Variants in CAPN8 observed in about 807,000 individuals in gnomAD.
CAPN8 encodes calpain-8.
In CAPN8, 87 loss-of-function variants were observed where a neutral mutation model predicts 80.9. The ratio of observed to expected loss-of-function variants is 1.07; its 90% CI spans 0.90 to 1.28. CAPN8 has a LOEUF of 1.28. CAPN8 is among the 50% of genes most tolerant of loss of function. CAPN8 has a pLI of 0.00. For synonymous variants in CAPN8, 299 were observed against 273.8 expected, an observed-to-expected ratio of 1.09 and a Z score of -0.91; for missense variants, 757 against 702.0, an observed-to-expected ratio of 1.08 and a Z score of -0.89.
At chr1:223,634,402 T>C (rs745618354) in intron 2 of CAPN8, among the ~76,000 whole-genome samples, 1 of 152,088 alleles carries the variant, frequency 6.6e-6, no homozygotes, top group Non-Finnish European at 1.5e-5. Flanking sequence ...AGCACTAGGG[T>C]ACGTAAGGAC....
At position 223,544,141 on chromosome 1, in the gene CAPN8, C is replaced by T. The variant is rs918685364; in HGVS notation, c.1955G>A (p.Arg652Gln). 7 of 718,320 alleles carry T rather than the reference C, an allele frequency of 9.7e-6. No individual in the cohort carries two copies. The highest frequency in any genetic ancestry group is 6.0e-5 in the Admixed American group (3 of 50,018). The allele number at this position is 718,320 out of a possible 1,614,324, so 44.5% of individuals were successfully genotyped here. The part of the protein sequence containing the change: ...NSQVQQTIAL[R>Q]YACSKLGINF... ...GATGCCAAGCTTGCTGCACGCATAC[C>T]GCAGGGCAATGGTCTGCTGCACCTG... The change falls in exon 19 of 21, where the codon CGG becomes CAG. Residue 652 changes from arginine (R) to glutamine (Q), a missense_variant. Physicochemically the swap from Arg to Gln is conservative, Grantham distance 43 (BLOSUM62 1). Coordinates refer to ENST00000366872, the MANE Select transcript of CAPN8 (RefSeq NM_001143962.2).
chr1:223,558,223 T>C, intron 12 of CAPN8, 56 bp from the exon 13 acceptor site: 1 of 398,516 alleles, frequency 2.5e-6, no homozygotes, highest in East Asian at 3.6e-5. Context: ...GTACAGCTAA[T>C]GGCTGGGTTG....
At position 223,619,384 on chromosome 1, in the gene CAPN8, CAG is replaced by C. The variant is rs1302945670; in HGVS notation, c.1042_1043del (p.Leu348GlufsTer2). The C allele has an allele frequency of 1.3e-6, 2 of 1,551,588 alleles. No homozygotes were observed. Among genetic ancestry groups the C allele is most frequent in the African/African-American group, 2.7e-5 (2 of 73,018 alleles). ...TCCATTTGTGCACCTCCTCGCTACT[CAG>C]AGAGTCCGGGGACAGGTTGCAGATC... ...LEICNLSPDS[L>X]SSEEVHKWNL... On this transcript the variant is annotated frameshift_variant, in exon 9 of 21. Transcript: ENST00000366872. LOFTEE classifies it high-confidence loss of function.
intron 13 of CAPN8, among the ~76,000 whole-genome samples, chr1:223,557,063 C>T (rs1656921656): frequency 6.6e-6 from 1 of 152,160 alleles, no homozygotes; most frequent in African/African-American, 2.4e-5. Flanking sequence ...GGCTGAACTA[C>T]AGTGCACAGG....
intron 16 of CAPN8, 149 bp from the exon 17 acceptor site, chr1:223,545,448 C>A: frequency 2.4e-6 from 3 of 1,240,882 alleles, no homozygotes; most frequent in Admixed American, 2.5e-5. Context: ...CGGTGTGTAA[C>A]AGGTTCAAAT....
Position 223,626,750 on chromosome 1 carries a change from A to T in CAPN8, c.729+239T>A, listed in dbSNP as rs114156389. Among the ~76,000 whole-genome samples the T allele has an allele frequency of 4.5e-3, 685 of 152,290 alleles. 5 individuals are homozygous for T. Among genetic ancestry groups the T allele is most frequent in the African/African-American group, 0.016 (649 of 41,550 alleles). On this transcript the variant is annotated intron_variant, in intron 5 of 20. Coordinates refer to ENST00000366872, the MANE Select transcript of CAPN8 (RefSeq NM_001143962.2). Reference sequence around the variant, plus strand: ...CCAGCAGTACTGAAGGGGCTCTAACAACGAGAGGGAAATTGGGGCTCCTGC... The same window carrying T: ...CCAGCAGTACTGAAGGGGCTCTAACTACGAGAGGGAAATTGGGGCTCCTGC...
In CAPN8 at chr1:223,541,803, G is replaced by T; in HGVS notation, c.*33C>A. On this transcript the variant is annotated 3_prime_UTR_variant, in exon 21 of 21. Coordinates refer to ENST00000366872, the MANE Select transcript of CAPN8 (RefSeq NM_001143962.2). ...GGGGTGACAAGAAGCAAGCAGTGGG[G>T]CAGGGAGTGTCACTGATGTCCGAAA... The T allele has an allele frequency of 6.4e-7, 1 of 1,551,486 alleles. No individual in the cohort carries two copies.
In CAPN8 at chr1:223,549,035, G is replaced by A. The variant is rs563547667; in HGVS notation, c.1764+283C>T. Among the ~76,000 whole-genome samples the A allele has an allele frequency of 4.6e-5, 7 of 152,164 alleles. No homozygotes were observed. The South Asian group carries it at 1.5e-3, about 32-fold the overall frequency. On this transcript the variant is annotated intron_variant, in intron 16 of 20. Coordinates refer to ENST00000366872, the MANE Select transcript of CAPN8 (RefSeq NM_001143962.2). ...GCAGGTGCGCAAATGCCCCATGCTT[G>A]CTACCTCCAGATTACATGATTTTAA... is the stretch of plus-strand genomic sequence containing the variant.
intron 1 of CAPN8, 144 bp from the exon 2 acceptor site, chr1:223,654,543 G>A: frequency 1.4e-6 from 1 of 717,316 alleles, no homozygotes; most frequent in South Asian, 1.8e-5. Context: ...TTATTGCTGA[G>A]GACTCTGAAG....
intron 11 of CAPN8, among the ~76,000 whole-genome samples, chr1:223,611,478 T>C (rs1332442175): frequency 6.6e-6 from 1 of 152,240 alleles, no homozygotes; most frequent in Non-Finnish European, 1.5e-5. Context: ...AATATGAGTG[T>C]GGACCTGCCT....
chr1:223,659,468 C>T (rs1198901344), intron 1 of CAPN8, among the ~76,000 whole-genome samples: 1 of 152,182 alleles, frequency 6.6e-6, no homozygotes, highest in Admixed American at 6.5e-5. Context: ...TGGACTCCCA[C>T]CTTCCTCTGA....
At chr1:223,646,618 CTT>C (rs1658199452) in intron 2 of CAPN8, among the ~76,000 whole-genome samples, 1 of 152,252 alleles carries the variant, frequency 6.6e-6, no homozygotes, top group African/African-American at 2.4e-5. Flanking sequence ...CTTCAGATCT[CTT>C]TTAGTTATGC....
intron 2 of CAPN8, among the ~76,000 whole-genome samples, chr1:223,649,818 T>C (rs1351480648): frequency 3.3e-5 from 5 of 152,134 alleles, no homozygotes. Context: ...CCCTGCTAGG[T>C]ACCAGGCACC....
intron 5 of CAPN8, among the ~76,000 whole-genome samples, chr1:223,626,239 C>T (rs1420701314): frequency 5.3e-5 from 8 of 152,086 alleles, no homozygotes; most frequent in Non-Finnish European, 1.0e-4. Context: ...CCCAGTCCTC[C>T]AAGGTTCTCC....
chr1:223,551,369 C>T (rs1009468480), intron 14 of CAPN8, among the ~76,000 whole-genome samples: 1 of 152,194 alleles, frequency 6.6e-6, no homozygotes, highest in African/African-American at 2.4e-5. Context: ...TCTTGAACTC[C>T]TGACATCGTG....
intron 14 of CAPN8, among the ~76,000 whole-genome samples, chr1:223,552,922 C>A (rs996161666): frequency 6.6e-6 from 1 of 152,160 alleles, no homozygotes; most frequent in African/African-American, 2.4e-5. Flanking sequence ...AAATACTGGC[C>A]TGTAAATCCA....
At chr1:223,545,139 T>C in intron 17 of CAPN8, 92 bp downstream of exon 17, 1 of 1,537,472 alleles carries the variant, frequency 6.5e-7, no homozygotes, top group Non-Finnish European at 8.8e-7. Flanking sequence ...TTGACCATGA[T>C]TAAGGATGTG....
chr1:223,634,008 G>A (rs1657844786), intron 2 of CAPN8, among the ~76,000 whole-genome samples: 2 of 152,222 alleles, frequency 1.3e-5, no homozygotes, highest in African/African-American at 4.8e-5. Flanking sequence ...GCCTCAGGTA[G>A]TTTGAAGCAG....
At chr1:223,664,610 T>G (rs1311486218) in intron 1 of CAPN8, among the ~76,000 whole-genome samples, 1 of 152,196 alleles carries the variant, frequency 6.6e-6, no homozygotes, top group African/African-American at 2.4e-5. Flanking sequence ...CCAAAGCTCA[T>G]CCATGCTCTT....
Sources: allele counts gnomAD v4.1 joint callset (sites outside exome capture counted in the v4.1 genomes callset), GRCh38; gene constraint gnomAD v4.1.1; transcripts MANE v1.5; gene names NCBI Gene and HGNC (gene_info 2026-07-23, HGNC 2026-07-21).